The following DST variants were observed in gnomAD, a reference collection of about 807,000 sequenced individuals.
DST encodes bullous pemphigoid antigen.
In DST, 253 loss-of-function variants were observed where a neutral mutation model predicts 875.2. The observed-to-expected ratio is 0.29, with a 90% CI of 0.26 to 0.32. DST has a LOEUF of 0.32. Among genes scored for constraint, DST ranks in the 10% least tolerant of loss-of-function variants. The probability of loss-of-function intolerance (pLI) is 1.00; values close to 1 mark genes in which losing one functional copy is unlikely to be tolerated. For missense variants in DST, 8,287 were observed against 9,111.6 expected (o/e 0.91, Z 3.68); for synonymous variants, 3,124 against 3,197.1 (o/e 0.98, Z 0.77).
Position 56,530,094 on chromosome 6 carries a change from T to TTA in DST, c.17147_17148insTA (p.Gln5716HisfsTer7). The TTA allele has an allele frequency of 6.3e-7, 1 of 1,592,494 alleles. No homozygotes were observed. Among genetic ancestry groups the TTA allele is most frequent in the Non-Finnish European group, 8.6e-7 (1 of 1,168,636 alleles). On this transcript the variant is annotated frameshift_variant, in exon 65 of 104. Transcript: ENST00000680361. LOFTEE classifies it high-confidence loss of function. ...TCAGTGGTTCTAAGGTTTCATGAAA[T>TTA]TGCTGTGCTACCACCGAGATACCTT...
At chr6:56,664,534 G>T (rs2099062359) in intron 10 of DST, among the ~76,000 whole-genome samples, 1 of 152,150 alleles carries the variant, frequency 6.6e-6, no homozygotes, top group Admixed American at 6.6e-5. Context: ...ATCCACTAGT[G>T]TTTAAAGGAT....
At chr6:56,940,606 G>A (rs1414160985) in intron 2 of DST, among the ~76,000 whole-genome samples, 1 of 151,538 alleles carries the variant, frequency 6.6e-6, no homozygotes, top group African/African-American at 2.4e-5. Context: ...TTTTGAGACA[G>A]GGTCTTGCTG....
chr6:56,532,744 G>A (rs1189263940), intron 63 of DST, among the ~76,000 whole-genome samples: 2 of 152,058 alleles, frequency 1.3e-5, no homozygotes, highest in African/African-American at 4.8e-5. Context: ...ATATTGGTAA[G>A]GCCACTAAAC....
Position 56,609,064 on chromosome 6 carries a change from A to G in DST, c.5564T>C (p.Val1855Ala). 1 of 1,613,882 alleles carries G rather than the reference A, an allele frequency of 6.2e-7. No homozygotes were observed. Among genetic ancestry groups the G allele is most frequent in the South Asian group, 1.1e-5 (1 of 91,078 alleles). Reference protein sequence around the residue: ...ISAASPTTIPVLDALAQSMIT... With the variant: ...ISAASPTTIPALDALAQSMIT... ...CATGCTTTGAGCTAGAGCATCCAGT[A>G]CTGGAATTGTGGTAGGTGACGCAGC... The change falls in exon 40 of 104, where the codon GTA (valine) becomes GCA (alanine). Residue 1855 changes from valine (V) to alanine (A), a missense_variant. Around this residue, in one of 10 missense-constraint regions of DST, gnomAD observed 3,138 missense variants for 3,116.6 expected, o/e 1.01. Coordinates refer to ENST00000680361, the MANE Select transcript of DST (RefSeq NM_001374736.1).
intron 4 of DST, among the ~76,000 whole-genome samples, chr6:56,825,019 C>A (rs1462388589): frequency 6.6e-6 from 1 of 152,172 alleles, no homozygotes; most frequent in East Asian, 1.9e-4. Flanking sequence ...TCATTGAGAA[C>A]GGGCCATGAT....
chr6:56,579,231 A>T (rs1448103623), intron 49 of DST, among the ~76,000 whole-genome samples: 1 of 152,078 alleles, frequency 6.6e-6, no homozygotes, highest in Admixed American at 6.6e-5. Flanking sequence ...CTAACTTTAT[A>T]CCCTTAACCC....
chr6:56,843,698 GGGAGGGAGGAGGGT>G, intron 4 of DST: 3 of 936,020 alleles, frequency 3.2e-6, no homozygotes, highest in Non-Finnish European at 3.8e-6. Flanking sequence ...CGGGGAGAGA[GGGAGGGAGGAGGGT>G]GGAGGGTGGA....
chr6:56,533,058 C>T (rs1440744900), intron 63 of DST, among the ~76,000 whole-genome samples: 1 of 152,166 alleles, frequency 6.6e-6, no homozygotes, highest in Non-Finnish European at 1.5e-5. Context: ...GAACTGGCTC[C>T]TAAAATCTGT....
At chr6:56,872,439 T>C (rs1044471218) in intron 3 of DST, among the ~76,000 whole-genome samples, 8 of 152,130 alleles carry the variant, frequency 5.3e-5, no homozygotes, top group Non-Finnish European at 7.4e-5. Flanking sequence ...GAGGAATCAC[T>C]TGAGCCCAGG....
intron 36 of DST, chr6:56,615,136 G>A (rs977192628): frequency 3.8e-6 from 4 of 1,059,954 alleles, no homozygotes; most frequent in Non-Finnish European, 2.3e-6. Context: ...GCTTCATGAC[G>A]TGCTCTTTCA....
Position 56,632,023 on chromosome 6 carries a change from C to A in DST, c.3823G>T (p.Val1275Phe). 6.2e-7 allele frequency: 1 copy of A among 1,612,662 alleles called. No individual in the cohort carries two copies. Among genetic ancestry groups the A allele is most frequent in the Non-Finnish European group, 8.5e-7 (1 of 1,178,764 alleles). ...ACTTCAGAGATGTAGAGATTATAAA[C>A]TGATTCCTCTTGCTCCTCTGTGAAA... The part of the protein sequence containing the change: ...SAEREEQEES[V>F]YNLYISEVRN... Residue 1275 changes from valine (V) to phenylalanine (F), a missense_variant, in exon 29 of 104, where the codon GTT becomes TTT. Transcript: ENST00000680361.
chr6:56,755,944 T>C (rs1229393322), intron 4 of DST, among the ~76,000 whole-genome samples: 1 of 152,234 alleles, frequency 6.6e-6, no homozygotes, highest in Non-Finnish European at 1.5e-5. Context: ...GGGCCTGATC[T>C]AGCTCTTCTC....
At position 56,812,782 on chromosome 6, in the gene DST, A is replaced by G. The variant is rs141813963; in HGVS notation, c.625+38615T>C. ...GAAATAGGAACACTTTTACACTGTT[A>G]GTGGGACTGTAAACTTGTTCAACCA... On this transcript the variant is annotated intron_variant, in intron 4 of 103. Transcript: ENST00000680361. 7.6e-4 allele frequency among the ~76,000 whole-genome samples: 116 copies of G among 152,308 alleles called. No homozygotes were observed. The East Asian group carries it at 7.7e-3, about 10-fold the overall frequency.
At chr6:56,578,464 C>G (rs2097909912) in intron 50 of DST, among the ~76,000 whole-genome samples, 1 of 152,144 alleles carries the variant, frequency 6.6e-6, no homozygotes, top group African/African-American at 2.4e-5. Flanking sequence ...AGAGATTCTA[C>G]TTTGGCCTTA....
Position 56,606,548 on chromosome 6 carries a change from C to T in DST, c.8080G>A (p.Asp2694Asn). Reference sequence around the variant, plus strand: ...GAATCTAATTCATCTTTCTCAACATCCATAAGGAAATCCTGAAGACAATGT... The same window carrying T: ...GAATCTAATTCATCTTTCTCAACATTCATAAGGAAATCCTGAAGACAATGT... ...KAHCLQDFLM[D>N]VEKDELDSGE... Residue 2694 changes from aspartate to asparagine, a missense_variant, in exon 40 of 104, where the codon GAT becomes AAT. Around this residue, in one of 10 missense-constraint regions of DST, gnomAD observed 3,138 missense variants for 3,116.6 expected, o/e 1.01. Transcript: ENST00000680361. The T allele has an allele frequency of 6.2e-7, 1 of 1,613,478 alleles. No individual in the cohort carries two copies. The highest frequency in any genetic ancestry group is 1.1e-5 in the South Asian group (1 of 91,074).
intron 101 of DST, 75 bp from the exon 102 acceptor site, chr6:56,463,231 T>C: frequency 1.2e-6 from 1 of 839,988 alleles, no homozygotes; most frequent in Non-Finnish European, 2.0e-6. Flanking sequence ...GAGATATTCA[T>C]AGCAAAGAGT....
In DST at chr6:56,693,280, T is replaced by A. The variant is rs927128396; in HGVS notation, c.1047+6373A>T. ...CACACAGACTTTATGACCATCCTCT[T>A]CAGTCTGAGGCCATTTTGCTTATGA... is the stretch of plus-strand genomic sequence containing the variant. On this transcript the variant is annotated intron_variant, in intron 9 of 103. Coordinates refer to ENST00000680361, the MANE Select transcript of DST (RefSeq NM_001374736.1). 6 of 1,182,136 alleles carry A rather than the reference T, an allele frequency of 5.1e-6. No individual in the cohort carries two copies. In the African/African-American group the frequency reaches 9.6e-5, roughly 19 times the overall value. The allele number at this position is 1,182,136 out of a possible 1,614,324, so 73.2% of individuals were successfully genotyped here.
intron 55 of DST, among the ~76,000 whole-genome samples, chr6:56,563,693 T>A (rs367784157): frequency 2.6e-4 from 40 of 152,364 alleles, no homozygotes; most frequent in African/African-American, 8.9e-4. Context: ...GGTTTTCTTC[T>A]AGGATTTTTA....
chr6:56,639,492 A>G lies in DST; in HGVS notation c.2817T>C (p.Ser939=), dbSNP rs1305084259. The change falls in exon 21 of 104, where the codon AGT becomes AGC. Residue 939 remains serine (S), a synonymous_variant. Transcript: ENST00000680361. Reference sequence around the variant, plus strand: ...TCCTAGCTATGTTGGTGTTTCTCTCACTCCAGTCATAAGCAACTTCCTCCT... The same window carrying G: ...TCCTAGCTATGTTGGTGTTTCTCTCGCTCCAGTCATAAGCAACTTCCTCCT... ...KEEEEVAYDW[S]ERNTNIARKK... 6.2e-7 allele frequency: 1 copy of G among 1,613,766 alleles called. No individual in the cohort carries two copies. Among genetic ancestry groups the G allele is most frequent in the Non-Finnish European group, 8.5e-7 (1 of 1,179,878 alleles).
Sources: gnomAD v4.1 joint callset for allele counts (sites outside exome capture counted in the v4.1 genomes callset) on GRCh38, gnomAD v4.1.1 for gene constraint, gnomAD v4.1.1 regional missense constraint, MANE v1.5 for transcripts, NCBI Gene and HGNC (gene_info 2026-07-23, HGNC 2026-07-21) for gene names.